The following NEK1 variants were observed in gnomAD, a reference collection of about 807,000 sequenced individuals.
NEK1 encodes serine/threonine-protein kinase Nek1.
NEK1 carries 137 observed loss-of-function variants against 182.1 expected under a neutral mutation model. The ratio of observed to expected loss-of-function variants is 0.75; its 90% CI spans 0.65 to 0.87. The LOEUF is 0.87. Ranked by LOEUF, NEK1 falls within the 40% of genes least tolerant of loss-of-function variation. The probability of loss-of-function intolerance (pLI) is 0.00; values close to 1 mark genes in which losing one functional copy is unlikely to be tolerated. For synonymous variants in NEK1, 513 were observed against 492.2 expected, an observed-to-expected ratio of 1.04 and a Z score of -0.56; for missense variants, 1,391 against 1,494.4, an observed-to-expected ratio of 0.93 and a Z score of 1.14.
chr4:169,435,438 T>C (rs1738230753), intron 28 of NEK1, among the ~76,000 whole-genome samples: 1 of 152,216 alleles, frequency 6.6e-6, no homozygotes. Context: ...AGTAACTATG[T>C]TCTAATGAAT....
chr4:169,605,691 A>G (rs1771220643), intron 2 of NEK1, among the ~76,000 whole-genome samples: 1 of 152,194 alleles, frequency 6.6e-6, no homozygotes, highest in Non-Finnish European at 1.5e-5. Flanking sequence ...TCAGTATTGT[A>G]ATAAACTCAA....
chr4:169,586,530 C>T lies in NEK1; in HGVS notation c.607-981G>A, dbSNP rs530003028. Among the ~76,000 whole-genome samples the T allele has an allele frequency of 2.0e-4, 31 of 152,026 alleles. No homozygotes were observed. In the South Asian group the frequency reaches 6.4e-3, roughly 31 times the overall value. Reference sequence around the variant, plus strand: ...AAGACACATGCTACTTAAGAGTAAACAATCCCAAAATAAAGAAGAGATGGT... The same window carrying T: ...AAGACACATGCTACTTAAGAGTAAATAATCCCAAAATAAAGAAGAGATGGT... On this transcript the variant is annotated intron_variant, in intron 9 of 35. Transcript: ENST00000507142.
chr4:169,444,755 G>A (rs146514537), intron 27 of NEK1, among the ~76,000 whole-genome samples: 8 of 152,102 alleles, frequency 5.3e-5, no homozygotes, highest in South Asian at 2.1e-4. Flanking sequence ...CCAAATGGAC[G>A]TAACAGACAT....
intron 31 of NEK1, among the ~76,000 whole-genome samples, chr4:169,415,770 A>C (rs1734442565): frequency 1.3e-5 from 2 of 152,278 alleles, no homozygotes; most frequent in South Asian, 4.2e-4. Context: ...ACTAACTACT[A>C]TCTGTATGGA....
intron 26 of NEK1, among the ~76,000 whole-genome samples, chr4:169,466,498 G>C (rs9312450): frequency 0.088 from 13,347 of 152,056 alleles, 760 homozygotes; most frequent in African/African-American, 0.16. Flanking sequence ...TAAGATGACA[G>C]TGGAGCAGCA....
At chr4:169,454,436 A>C (rs959254084) in intron 27 of NEK1, among the ~76,000 whole-genome samples, 5 of 152,360 alleles carry the variant, frequency 3.3e-5, no homozygotes, top group African/African-American at 1.2e-4. Context: ...TACCCATCTG[A>C]CAAAGGGCTA....
At chr4:169,507,363 A>G (rs1335364475) in intron 22 of NEK1, among the ~76,000 whole-genome samples, 1 of 152,154 alleles carries the variant, frequency 6.6e-6, no homozygotes, top group Non-Finnish European at 1.5e-5. Flanking sequence ...AAAGGCAGGT[A>G]TATTTGAATG....
chr4:169,463,433 C>T, intron 26 of NEK1, 38 bp from the exon 27 acceptor site: 1 of 1,512,534 alleles, frequency 6.6e-7, no homozygotes. Flanking sequence ...TTTTCAATAA[C>T]AGTATAATAA....
At chr4:169,452,338 T>C (rs1579764699) in intron 27 of NEK1, among the ~76,000 whole-genome samples, 1 of 152,208 alleles carries the variant, frequency 6.6e-6, no homozygotes, top group Non-Finnish European at 1.5e-5. Flanking sequence ...ATCATCCTGA[T>C]ACCAAAGACT....
chr4:169,561,902 A>G lies in NEK1; in HGVS notation c.1081-11T>C. ...CTTTCTTGCTGCTTCCTTAAATAAA[A>G]AAAAGAACATTTTAATCCATAATAA... On this transcript the variant is annotated splice_polypyrimidine_tract_variant and intron_variant, in intron 13 of 35. Coordinates refer to ENST00000507142, the MANE Select transcript of NEK1 (RefSeq NM_001199397.3). 1 of 1,592,106 alleles carries G rather than the reference A, an allele frequency of 6.3e-7. No homozygotes were observed. The highest frequency in any genetic ancestry group is 1.2e-5 in the South Asian group (1 of 86,360).
At position 169,508,670 on chromosome 4, in the gene NEK1, C is replaced by T. The variant is rs1279130994; in HGVS notation, c.1749+99G>A. 6 of 944,554 alleles carry T rather than the reference C, an allele frequency of 6.4e-6. No homozygotes were observed. In the African/African-American group the frequency reaches 8.4e-5, roughly 13 times the overall value. The allele number at this position is 944,554 out of a possible 1,614,324, so 58.5% of individuals were successfully genotyped here. A position where few individuals can be genotyped will look rare whatever the true frequency, so the allele number is the denominator to read the frequency against. On this transcript the variant is annotated intron_variant, in intron 20 of 35. Coordinates refer to ENST00000507142, the MANE Select transcript of NEK1 (RefSeq NM_001199397.3). Reference sequence around the variant, plus strand: ...ACAGGTCCCTACAGACCTACAAAATCTTCAAATAATTGTTAAGAATTTAAA... The same window carrying T: ...ACAGGTCCCTACAGACCTACAAAATTTTCAAATAATTGTTAAGAATTTAAA...
chr4:169,443,101 A>ATCTCTCTC (rs1554033565), intron 27 of NEK1, among the ~76,000 whole-genome samples: 6 of 148,178 alleles, frequency 4.0e-5, no homozygotes, highest in African/African-American at 1.5e-4. Context: ...CTATCTATCT[A>ATCTCTCTC]TCTCATAATT....
At position 169,400,658 on chromosome 4, in the gene NEK1, A is replaced by C. The variant is rs1731504125; in HGVS notation, c.3584-7T>G. ...ATTTCACCATCACTGTTATCTAAAA[A>C]ACAAAATTAAAATAGAGATTTGATT... On this transcript the variant is annotated splice_region_variant and splice_polypyrimidine_tract_variant and intron_variant, in intron 33 of 35. Coordinates refer to ENST00000507142, the MANE Select transcript of NEK1 (RefSeq NM_001199397.3). 1 of 1,556,110 alleles carries C rather than the reference A, an allele frequency of 6.4e-7. No individual in the cohort carries two copies. Among genetic ancestry groups the C allele is most frequent in the African/African-American group, 1.4e-5 (1 of 73,464 alleles).
At chr4:169,466,982 T>C (rs1745052587) in intron 26 of NEK1, among the ~76,000 whole-genome samples, 2 of 152,104 alleles carry the variant, frequency 1.3e-5, no homozygotes, top group South Asian at 4.1e-4. Flanking sequence ...ATGCCACCCC[T>C]CAGACGCCAA....
At chr4:169,558,193 T>C (rs989983495) in intron 16 of NEK1, among the ~76,000 whole-genome samples, 2 of 152,208 alleles carry the variant, frequency 1.3e-5, no homozygotes, top group African/African-American at 4.8e-5. Flanking sequence ...TCCATTTCTC[T>C]TTAGCAAAAA....
chr4:169,546,671 CGT>C (rs1760518606), intron 18 of NEK1, among the ~76,000 whole-genome samples: 1 of 152,110 alleles, frequency 6.6e-6, no homozygotes, highest in East Asian at 1.9e-4. Context: ...GTATTGGGTA[CGT>C]ATATATTTAG....
At chr4:169,433,714 A>G in intron 28 of NEK1, 49 bp from the exon 29 acceptor site, 1 of 1,584,232 alleles carries the variant, frequency 6.3e-7, no homozygotes, top group East Asian at 2.2e-5. Context: ...AAATTTGTCA[A>G]GAGAATATTG....
At chr4:169,555,616 T>G in intron 18 of NEK1, 104 bp downstream of exon 18, 1 of 1,481,030 alleles carries the variant, frequency 6.8e-7, no homozygotes. Context: ...AAACATCATA[T>G]GTGAACAATG....
At chr4:169,576,887 T>A in intron 12 of NEK1, 41 bp downstream of exon 12, 1 of 1,530,626 alleles carries the variant, frequency 6.5e-7, no homozygotes, top group Non-Finnish European at 8.9e-7. Context: ...TAAGGTTGAA[T>A]TGAATTTGTT....
Sources: allele counts gnomAD v4.1 joint callset (sites outside exome capture counted in the v4.1 genomes callset), GRCh38; gene constraint gnomAD v4.1.1; transcripts MANE v1.5; gene names NCBI Gene and HGNC (gene_info 2026-07-23, HGNC 2026-07-21).